The following CDH4 variants were observed in gnomAD, a reference collection of about 807,000 sequenced individuals.
CDH4 encodes cadherin 4.
CDH4 carries 33 observed loss-of-function variants against 86.0 expected under a neutral mutation model. The ratio of observed to expected loss-of-function variants is 0.38; its 90% CI spans 0.29 to 0.51. The LOEUF (loss-of-function observed/expected upper bound fraction) is 0.51, where lower values mean the gene tolerates loss of function less well. Ranked by LOEUF, CDH4 falls within the 20% of genes least tolerant of loss-of-function variation. The pLI is 0.86. For synonymous variants in CDH4, 555 were observed against 549.4 expected, an observed-to-expected ratio of 1.01 and a Z score of -0.14; for missense variants, 1,114 against 1,307.4, an observed-to-expected ratio of 0.85 and a Z score of 2.28.
chr20:61,884,267 C>T (rs760768745), intron 7 of CDH4, among the ~76,000 whole-genome samples: 1 of 152,184 alleles, frequency 6.6e-6, no homozygotes, highest in Non-Finnish European at 1.5e-5. Flanking sequence ...GCTGAGGCAG[C>T]TGCACGTCAC....
At chr20:61,841,778 C>A (rs185893121) in intron 4 of CDH4, among the ~76,000 whole-genome samples, 8 of 151,990 alleles carry the variant, frequency 5.3e-5, no homozygotes, top group African/African-American at 1.9e-4. Flanking sequence ...CGCGCGTGCG[C>A]GCACCGTGGG....
chr20:61,891,232 G>T (rs1174168494), intron 7 of CDH4, among the ~76,000 whole-genome samples: 1 of 152,190 alleles, frequency 6.6e-6, no homozygotes, highest in East Asian at 1.9e-4. Context: ...TGGGCTGCAC[G>T]TTCCTGTTCA....
At chr20:61,786,087 G>A (rs78453774) in intron 4 of CDH4, among the ~76,000 whole-genome samples, 8,261 of 152,208 alleles carry the variant, frequency 0.054, 715 homozygotes, top group African/African-American at 0.19. Context: ...CTAAGAACAC[G>A]TGAACGAGAG....
intron 6 of CDH4, among the ~76,000 whole-genome samples, chr20:61,870,414 G>A (rs986283580): frequency 1.3e-5 from 2 of 152,218 alleles, no homozygotes; most frequent in Non-Finnish European, 2.9e-5. Context: ...CCGAGAGACC[G>A]TCATTCTCAG....
At chr20:61,322,069 C>CCCCCAGGATACGAA (rs1327636165) in intron 2 of CDH4, among the ~76,000 whole-genome samples, 2 of 152,064 alleles carry the variant, frequency 1.3e-5, no homozygotes, top group Non-Finnish European at 2.9e-5. Flanking sequence ...GTCAGAGGTC[C>CCCCCAGGATACGAA]CCCCAGGATA....
intron 7 of CDH4, among the ~76,000 whole-genome samples, chr20:61,880,035 C>T (rs925071154): frequency 4.6e-5 from 7 of 152,210 alleles, no homozygotes; most frequent in Admixed American, 1.3e-4. Flanking sequence ...TCTGCCCGCC[C>T]GGTGCTGTCA....
At chr20:61,841,707 A>G (rs747119332) in intron 4 of CDH4, among the ~76,000 whole-genome samples, 50 of 152,112 alleles carry the variant, frequency 3.3e-4, no homozygotes, top group South Asian at 8.3e-4. Flanking sequence ...GCGGGGGGGA[A>G]CAAAGACGCT....
chr20:61,299,205 C>G (rs1463302087), intron 2 of CDH4, among the ~76,000 whole-genome samples: 1 of 152,094 alleles, frequency 6.6e-6, no homozygotes, highest in Non-Finnish European at 1.5e-5. Flanking sequence ...AGACAGAGGC[C>G]CCGGGGAGAA....
chr20:61,919,739 G>A (rs552390785), intron 9 of CDH4, among the ~76,000 whole-genome samples: 10 of 151,798 alleles, frequency 6.6e-5, no homozygotes, highest in African/African-American at 2.2e-4. Flanking sequence ...TGATGATTGC[G>A]TGGAAGCATG....
chr20:61,660,326 G>C (rs60148563), intron 2 of CDH4, among the ~76,000 whole-genome samples: 33,113 of 152,204 alleles, frequency 0.22, 4,460 homozygotes, highest in Non-Finnish European at 0.3. Context: ...ATCAAACAAA[G>C]AGTGTTTAAT....
In CDH4 at chr20:61,939,626, C is replaced by G. The variant is rs1026170724; in HGVS notation, c.*2683C>G. 5.2e-5 allele frequency: 8 copies of G among 152,418 alleles called. No individual in the cohort carries two copies. Among genetic ancestry groups the G allele is most frequent in the Admixed American group, 4.6e-4 (7 of 15,312 alleles). 9.4% of individuals were successfully genotyped at this position (152,418 alleles called of 1,614,324 possible). Reference sequence around the variant, plus strand: ...CATACAATCAGTGTCGAACGTCTCTCTTCCTTAAGCTTGTAGATACGACTG... The same window carrying G: ...CATACAATCAGTGTCGAACGTCTCTGTTCCTTAAGCTTGTAGATACGACTG... On this transcript the variant is annotated 3_prime_UTR_variant, in exon 16 of 16. Transcript: ENST00000614565.
chr20:61,711,282 C>G (rs1308642425), intron 2 of CDH4, among the ~76,000 whole-genome samples: 1 of 152,222 alleles, frequency 6.6e-6, no homozygotes, highest in African/African-American at 2.4e-5. Flanking sequence ...TGTAAGTTTT[C>G]TGAGGCCTCC....
chr20:61,609,943 G>A (rs755176813), intron 2 of CDH4, among the ~76,000 whole-genome samples: 7 of 152,144 alleles, frequency 4.6e-5, no homozygotes, highest in Non-Finnish European at 7.3e-5. Flanking sequence ...GATCAAACCA[G>A]GATCATCGGG....
intron 2 of CDH4, among the ~76,000 whole-genome samples, chr20:61,443,970 G>GTC: frequency 6.7e-6 from 1 of 148,936 alleles, no homozygotes; most frequent in Admixed American, 6.7e-5. Context: ...GTGTGTATCT[G>GTC]TGTGTGTGAT....
chr20:61,940,536 C>T lies in CDH4; in HGVS notation c.*3593C>T, dbSNP rs577596386. 17 of 152,230 alleles carry T rather than the reference C, an allele frequency of 1.1e-4. No homozygotes were observed. The highest frequency in any genetic ancestry group is 4.1e-4 in the African/African-American group (17 of 41,516). 9.4% of individuals were successfully genotyped at this position (152,230 alleles called of 1,614,324 possible). On this transcript the variant is annotated 3_prime_UTR_variant, in exon 16 of 16. Coordinates refer to ENST00000614565, the MANE Select transcript of CDH4 (RefSeq NM_001794.5). ...TGCCAGACAGTCTTGGTCCTGAACT[C>T]AGTAGACCCTTGCGGAGCGGTTGTG...
At chr20:61,668,135 A>G (rs966269637) in intron 2 of CDH4, among the ~76,000 whole-genome samples, 3 of 152,322 alleles carry the variant, frequency 2.0e-5, no homozygotes, top group African/African-American at 4.8e-5. Context: ...GAAAAGCCCT[A>G]TTCTCCTCCA....
At chr20:61,500,443 A>G (rs934192886) in intron 2 of CDH4, among the ~76,000 whole-genome samples, 2 of 152,212 alleles carry the variant, frequency 1.3e-5, no homozygotes, top group Admixed American at 6.5e-5. Context: ...AGAGAAACAA[A>G]ATGCAGTGTC....
Position 61,638,954 on chromosome 20 carries a change from C to T in CDH4, c.170-104609C>T, listed in dbSNP as rs987090499. ...CACGGAGGCCAATAGTCACTCATGG[C>T]GTTGTGATAACGGAATGAATGACGC... On this transcript the variant is annotated intron_variant, in intron 2 of 15. Coordinates refer to ENST00000614565, the MANE Select transcript of CDH4 (RefSeq NM_001794.5). 1.1e-4 allele frequency among the ~76,000 whole-genome samples: 16 copies of T among 152,262 alleles called. 1 individual carries two copies. The highest frequency in any genetic ancestry group is 3.8e-4 in the African/African-American group (16 of 41,566).
intron 2 of CDH4, among the ~76,000 whole-genome samples, chr20:61,292,893 C>T (rs1471154370): frequency 6.6e-6 from 1 of 152,214 alleles, no homozygotes; most frequent in East Asian, 1.9e-4. Context: ...GCAGAGGTGC[C>T]TCTGTGCCCT....
Sources: gnomAD v4.1 joint callset for allele counts (sites outside exome capture counted in the v4.1 genomes callset) on GRCh38, gnomAD v4.1.1 for gene constraint, MANE v1.5 for transcripts, NCBI Gene and HGNC (gene_info 2026-07-23, HGNC 2026-07-21) for gene names.